ARHGEF15: variants seen among roughly 807,000 people sequenced by gnomAD.
ARHGEF15 encodes the protein Rho guanine nucleotide exchange factor (GEF) 15.
A neutral mutation model predicts 79.7 loss-of-function variants in ARHGEF15; 58 were observed. That is an observed-to-expected ratio of 0.73 (90% confidence interval 0.59 to 0.91). The LOEUF is 0.91. Ranked by LOEUF, ARHGEF15 falls within the 40% of genes least tolerant of loss-of-function variation. The probability of loss-of-function intolerance (pLI) is 0.00; values close to 1 mark genes in which losing one functional copy is unlikely to be tolerated. For synonymous variants in ARHGEF15, 442 were observed against 456.0 expected (o/e 0.97, Z 0.39); for missense variants, 1,012 against 1,108.1 (o/e 0.91, Z 1.23).
At chr17:8,314,748 A>AAG (rs1904895299) in intron 4 of ARHGEF15, 158 bp from the exon 5 acceptor site, 3 of 693,264 alleles carry the variant, frequency 4.3e-6, no homozygotes, top group Non-Finnish European at 6.4e-6. Context: ...CCTTCAAAAA[A>AAG]AAAAAAAAAA....
Position 8,312,245 on chromosome 17 carries a change from C to T in ARHGEF15, c.206C>T (p.Ser69Phe). 6.8e-7 allele frequency: 1 copy of T among 1,466,338 alleles called. No individual in the cohort carries two copies. The highest frequency in any genetic ancestry group is 9.2e-7 in the Non-Finnish European group (1 of 1,086,618). 90.8% of individuals were successfully genotyped at this position (1,466,338 alleles called of 1,614,324 possible). The stretch of plus-strand genomic sequence containing the variant: ...ATCTTCTGGGAGCCCCCAGCTGCAT[C>T]CCTCAAGCCCCCTGCTCTTTTGCCC... ...TPIFWEPPAASLKPPALLPPS... is the reference protein window; with the variant it reads ...TPIFWEPPAAFLKPPALLPPS... Residue 69 changes from serine (S) to phenylalanine (F), a missense_variant, in exon 2 of 16, where the codon TCC (serine) becomes TTC (phenylalanine). By Grantham distance (155) the Ser-to-Phe change is radical. This residue lies in a region of ARHGEF15 where 818 missense variants were observed against 882.5 expected (regional missense o/e 0.93). Coordinates refer to ENST00000361926, the MANE Select transcript of ARHGEF15 (RefSeq NM_173728.4).
chr17:8,321,973 C>T lies in ARHGEF15; in HGVS notation c.*980C>T, dbSNP rs1016410322. On this transcript the variant is annotated 3_prime_UTR_variant, in exon 16 of 16. Coordinates refer to ENST00000361926, the MANE Select transcript of ARHGEF15 (RefSeq NM_173728.4). ...TTCTCCTTGCCCCAAACACTGGCCTCCATAATTCCTGCCTGCAGATCTCCC... is the reference window on the plus strand; with the variant it reads ...TTCTCCTTGCCCCAAACACTGGCCTTCATAATTCCTGCCTGCAGATCTCCC... 1.3e-5 allele frequency: 2 copies of T among 152,978 alleles called. No individual in the cohort carries two copies. Among genetic ancestry groups the T allele is most frequent in the East Asian group, 3.8e-4 (2 of 5,210 alleles). 9.5% of individuals were successfully genotyped at this position (152,978 alleles called of 1,614,324 possible).
intron 4 of ARHGEF15, among the ~76,000 whole-genome samples, chr17:8,314,215 C>T (rs1904856690): frequency 6.6e-6 from 1 of 152,150 alleles, no homozygotes; most frequent in South Asian, 2.1e-4. Context: ...CAATTATTGT[C>T]CGAAAATCTA....
Position 8,322,497 on chromosome 17 carries a change from A to T in ARHGEF15, c.*1504A>T, listed in dbSNP as rs1905451742. The T allele has an allele frequency of 6.6e-6, 1 of 152,342 alleles. No individual in the cohort carries two copies. Among genetic ancestry groups the T allele is most frequent in the Non-Finnish European group, 1.5e-5 (1 of 68,158 alleles). 9.4% of individuals were successfully genotyped at this position (152,342 alleles called of 1,614,324 possible). A position where few individuals can be genotyped will look rare whatever the true frequency, so the allele number is the denominator to read the frequency against. ...GACGTGTGGGGAACCCTCAGTAAAT[A>T]GTGGTGCATTTGTATTGAGGCTCTC... On this transcript the variant is annotated 3_prime_UTR_variant, in exon 16 of 16. Coordinates refer to ENST00000361926, the MANE Select transcript of ARHGEF15 (RefSeq NM_173728.4).
intron 1 of ARHGEF15, among the ~76,000 whole-genome samples, chr17:8,311,655 A>G (rs1003505613): frequency 6.7e-6 from 1 of 150,016 alleles, no homozygotes; most frequent in Non-Finnish European, 1.5e-5. Context: ...TATCTCAGAC[A>G]CTCACACCGA....
chr17:8,313,602 C>T, intron 4 of ARHGEF15, 47 bp downstream of exon 4: 1 of 1,581,372 alleles, frequency 6.3e-7, no homozygotes, highest in Non-Finnish European at 8.6e-7. Flanking sequence ...CCCCACCATG[C>T]TTCTACCTGA....
Position 8,316,109 on chromosome 17 carries a change from G to A in ARHGEF15, c.1665G>A (p.Leu555=), listed in dbSNP as rs968973293. 3 of 1,603,316 alleles carry A rather than the reference G, an allele frequency of 1.9e-6. No individual in the cohort carries two copies. Among genetic ancestry groups the A allele is most frequent in the African/African-American group, 2.7e-5 (2 of 74,868 alleles). Residue 555 remains leucine, a synonymous_variant, in exon 9 of 16, where the codon CTG becomes CTA. Transcript: ENST00000361926. ...TCCCGCTGCCGTCCTTCCTGCTACT[G>A]CCCTTCCAGCGCATCACCCGGCTGC... ...ERLPLPSFLL[L]PFQRITRLRM...
intron 9 of ARHGEF15, among the ~76,000 whole-genome samples, chr17:8,316,559 A>T (rs1257205205): frequency 6.6e-6 from 1 of 152,220 alleles, no homozygotes; most frequent in African/African-American, 2.4e-5. Flanking sequence ...TATCACCCCC[A>T]AGGGGGCAAA....
chr17:8,312,043 T>A lies in ARHGEF15; in HGVS notation c.4T>A (p.Ser2Thr). 1 of 1,587,440 alleles carries A rather than the reference T, an allele frequency of 6.3e-7. No individual in the cohort carries two copies. Among genetic ancestry groups the A allele is most frequent in the Non-Finnish European group, 8.6e-7 (1 of 1,167,180 alleles). ...CCTTTGAAGAGCACAGAGGAAGATG[T>A]CAGCCCAGTCCCTTCCTGCAGCAAC... M[S>T]AQSLPAATPP... is the part of the protein sequence containing the mutation. Residue 2 changes from serine (S) to threonine (T), a missense_variant, in exon 2 of 16, where the codon TCA becomes ACA. This residue lies in a region of ARHGEF15 where 818 missense variants were observed against 882.5 expected (regional missense o/e 0.93). Coordinates refer to ENST00000361926, the MANE Select transcript of ARHGEF15 (RefSeq NM_173728.4).
At position 8,318,581 on chromosome 17, in the gene ARHGEF15, T is replaced by C; in HGVS notation, c.1791T>C (p.Arg597=). ...CTCCCCTTACCTAGATCATCGAGCG[T>C]TGCAGCGCTGAGGTGGGGCGCATGA... ...ALGAVSKIIE[R]CSAEVGRMKQ... Residue 597 remains arginine, a synonymous_variant, in exon 11 of 16, where the codon CGT becomes CGC. Coordinates refer to ENST00000361926, the MANE Select transcript of ARHGEF15 (RefSeq NM_173728.4). This position sits in a 1 kb window ranked among gnomAD's most constrained non-coding sequence, Gnocchi z 5.0. The C allele has an allele frequency of 6.2e-7, 1 of 1,613,684 alleles. No individual in the cohort carries two copies. The highest frequency in any genetic ancestry group is 8.5e-7 in the Non-Finnish European group (1 of 1,179,684).
Position 8,312,075 on chromosome 17 carries a change from C to CCCCCCCCA in ARHGEF15, c.36_37insCCCCCCCA (p.Thr13ProfsTer172). The CCCCCCCCA allele has an allele frequency of 6.8e-7, 1 of 1,476,880 alleles. No homozygotes were observed. The allele number at this position is 1,476,880 out of a possible 1,614,324, so 91.5% of individuals were successfully genotyped here. A position where few individuals can be genotyped will look rare whatever the true frequency, so the allele number is the denominator to read the frequency against. ...AGTCCCTTCCTGCAGCAACACCCCC[C>CCCCCCCCA]ACGCAGAAGCCCCCTCGGATCATCC... On this transcript the variant is annotated frameshift_variant, in exon 2 of 16. Coordinates refer to ENST00000361926, the MANE Select transcript of ARHGEF15 (RefSeq NM_173728.4). LOFTEE classifies it high-confidence loss of function.
intron 9 of ARHGEF15, 90 bp downstream of exon 9, chr17:8,316,238 C>T: frequency 1.3e-6 from 2 of 1,494,076 alleles, no homozygotes; most frequent in Non-Finnish European, 1.8e-6. Context: ...TATCACCATG[C>T]ACTACTCCAC....
At chr17:8,319,227 C>T in intron 13 of ARHGEF15, 68 bp downstream of exon 13, 1 of 1,605,978 alleles carries the variant, frequency 6.2e-7, no homozygotes, top group Non-Finnish European at 8.5e-7. Context: ...TCCCCCACTT[C>T]CCCAGTCTCT....
In ARHGEF15 at chr17:8,313,546, T is replaced by C. The variant is rs1060500049; in HGVS notation, c.980T>C (p.Val327Ala). The C allele has an allele frequency of 6.2e-7, 1 of 1,613,480 alleles. No homozygotes were observed. Among genetic ancestry groups the C allele is most frequent in the Non-Finnish European group, 8.5e-7 (1 of 1,179,848 alleles). ...CCTCAGAATACTCCTCCAGCAACTGTGGAGGGGAGGTACTGAACACCCCCA... is the reference window on the plus strand; with the variant it reads ...CCTCAGAATACTCCTCCAGCAACTGCGGAGGGGAGGTACTGAACACCCCCA... ...EAPQNTPPATVEGREEEGLEV... is the reference protein window; with the variant it reads ...EAPQNTPPATAEGREEEGLEV... The change falls in exon 4 of 16, where the codon GTG becomes GCG. Residue 327 changes from valine (V) to alanine (A), a missense_variant. Coordinates refer to ENST00000361926, the MANE Select transcript of ARHGEF15 (RefSeq NM_173728.4).
In ARHGEF15 at chr17:8,311,990, G is replaced by A; in HGVS notation, c.-49-1G>A. ...TTTCTCTTTCCCTCCCTCCTCCTCA[G>A]GGGATGACTCCAGCAGAGCACCTCA... On this transcript the variant is annotated splice_acceptor_variant, in intron 1 of 15. Transcript: ENST00000361926. LOFTEE classifies it low-confidence loss of function (5UTR_SPLICE). The A allele has an allele frequency of 1.4e-6, 2 of 1,475,914 alleles. No homozygotes were observed. The highest frequency in any genetic ancestry group is 1.8e-6 in the Non-Finnish European group (2 of 1,113,196). The allele number at this position is 1,475,914 out of a possible 1,614,324, so 91.4% of individuals were successfully genotyped here.
rs1905351891 is a variant in ARHGEF15, at chr17:8,320,977, A to G, written c.2510A>G (p.Asn837Ser). The change falls in exon 16 of 16, where the codon AAT (asparagine) becomes AGT (serine). Residue 837 changes from asparagine to serine, a missense_variant. This residue lies in a region of ARHGEF15 where 132 missense variants were observed against 124.2 expected (regional missense o/e 1.06). Coordinates refer to ENST00000361926, the MANE Select transcript of ARHGEF15 (RefSeq NM_173728.4). ...GTTGGATCTTCTTCAGGCACCCCCA[A>G]TGCCCCCCCACCCTAATGCAGGCTG... Reference protein sequence around the residue: ...EAVGSSSGTPNAPPP With the variant: ...EAVGSSSGTPSAPPP 8 of 1,613,704 alleles carry G rather than the reference A, an allele frequency of 5.0e-6. No individual in the cohort carries two copies. The highest frequency in any genetic ancestry group is 1.1e-5 in the South Asian group (1 of 91,074).
chr17:8,315,642 C>T lies in ARHGEF15; in HGVS notation c.1421+68C>T, dbSNP rs372840599. On this transcript the variant is annotated intron_variant, in intron 7 of 15. Coordinates refer to ENST00000361926, the MANE Select transcript of ARHGEF15 (RefSeq NM_173728.4). The surrounding 1 kb of genome is among the most constrained non-coding windows in gnomAD (Gnocchi z 4.3). Reference sequence around the variant, plus strand: ...GCTGGGCACGCCCTTTCCTCTCTCCCGGGCCCAGGTCCTTCCTTCTACGGA... The same window carrying T: ...GCTGGGCACGCCCTTTCCTCTCTCCTGGGCCCAGGTCCTTCCTTCTACGGA... The T allele has an allele frequency of 3.8e-6, 6 of 1,594,650 alleles. No homozygotes were observed. The highest frequency in any genetic ancestry group is 2.7e-5 in the African/African-American group (2 of 74,644).
chr17:8,311,986 C>G lies in ARHGEF15; in HGVS notation c.-49-5C>G. On this transcript the variant is annotated splice_polypyrimidine_tract_variant and splice_region_variant and intron_variant, in intron 1 of 15. Coordinates refer to ENST00000361926, the MANE Select transcript of ARHGEF15 (RefSeq NM_173728.4). Reference sequence around the variant, plus strand: ...GGTCTTTCTCTTTCCCTCCCTCCTCCTCAGGGGATGACTCCAGCAGAGCAC... The same window carrying G: ...GGTCTTTCTCTTTCCCTCCCTCCTCGTCAGGGGATGACTCCAGCAGAGCAC... 2 of 1,475,284 alleles carry G rather than the reference C, an allele frequency of 1.4e-6. No homozygotes were observed. The highest frequency in any genetic ancestry group is 9.0e-7 in the Non-Finnish European group (1 of 1,112,876). 91.4% of individuals were successfully genotyped at this position (1,475,284 alleles called of 1,614,324 possible). A position where few individuals can be genotyped will look rare whatever the true frequency, so the allele number is the denominator to read the frequency against.
chr17:8,319,553 G>A lies in ARHGEF15; in HGVS notation c.2324G>A (p.Arg775Gln), dbSNP rs201103318. 48 of 1,611,020 alleles carry A rather than the reference G, an allele frequency of 3.0e-5. No homozygotes were observed. The highest frequency in any genetic ancestry group is 2.7e-4 in the East Asian group (12 of 44,836). Reference protein sequence around the residue: ...ESSAPAKTEGRSLESRAAPKH... With the variant: ...ESSAPAKTEGQSLESRAAPKH... ...TCTGCACCTGCCAAGACTGAAGGAC[G>A]GAGTCTGGAGTCCAGGGCTGCCCCC... Residue 775 changes from arginine (R) to glutamine (Q), a missense_variant, in exon 15 of 16, where the codon CGG becomes CAG. This residue lies in a region of ARHGEF15 where 132 missense variants were observed against 124.2 expected (regional missense o/e 1.06). Transcript: ENST00000361926.
Sources: allele counts gnomAD v4.1 joint callset (sites outside exome capture counted in the v4.1 genomes callset), GRCh38; gene constraint gnomAD v4.1.1; regional missense constraint gnomAD v4.1.1; non-coding constraint Gnocchi (gnomAD v3.1); transcripts MANE v1.5; gene names NCBI Gene and HGNC (gene_info 2026-07-23, HGNC 2026-07-21).